Variants in DCPS observed in about 807,000 individuals in gnomAD.
The protein encoded by DCPS is m7GpppX diphosphatase.
Under a neutral mutation model 34.7 loss-of-function variants are expected in DCPS, and 27 were observed. That is an observed-to-expected ratio of 0.78 (90% CI 0.57 to 1.07). The LOEUF is 1.07. Among genes scored for constraint, DCPS ranks in the 50% least tolerant of loss-of-function variants. The pLI, the probability that DCPS is intolerant of heterozygous loss-of-function variation, is 0.00. For synonymous variants in DCPS, 185 were observed against 185.7 expected (o/e 1.00, Z 0.03); for missense variants, 464 against 436.9 (o/e 1.06, Z -0.55).
At position 126,348,491 on chromosome 11, in the gene DCPS, C is replaced by T. The variant is rs1244826442; in HGVS notation, c.*2878C>T. ...TAATCTCCAGGGACCCTGCCGGCCACGGCCCCCATGCAGCTCCCTCCCTCA... is the reference window on the plus strand; with the variant it reads ...TAATCTCCAGGGACCCTGCCGGCCATGGCCCCCATGCAGCTCCCTCCCTCA... On this transcript the variant is annotated 3_prime_UTR_variant, in exon 6 of 6. Coordinates refer to ENST00000263579, the MANE Select transcript of DCPS (RefSeq NM_014026.6). The surrounding 1 kb of genome is among the most constrained non-coding windows in gnomAD (Gnocchi z 5.3). Among the ~76,000 whole-genome samples the T allele has an allele frequency of 6.6e-6, 1 of 152,266 alleles. No homozygotes were observed. Among genetic ancestry groups the T allele is most frequent in the African/African-American group, 2.4e-5 (1 of 41,470 alleles).
intron 2 of DCPS, among the ~76,000 whole-genome samples, chr11:126,326,686 G>A (rs1460368789): frequency 6.6e-6 from 1 of 152,202 alleles, no homozygotes; most frequent in East Asian, 1.9e-4. Flanking sequence ...CACTTTGGGA[G>A]GCCGAGGCAT....
At chr11:126,339,612 C>T (rs1290088199) in intron 4 of DCPS, among the ~76,000 whole-genome samples, 7 of 152,208 alleles carry the variant, frequency 4.6e-5, no homozygotes. Context: ...CGATGATTCC[C>T]TAGAGCCAAG....
At position 126,319,582 on chromosome 11, in the gene DCPS, G is replaced by T. The variant is rs374653983; in HGVS notation, c.377-11823G>T. ...AGCATGAGCAGTGTCATCTCTGCAT[G>T]TCTGACCACACCCCCTGTCTGGACC... On this transcript the variant is annotated intron_variant, in intron 2 of 5. Coordinates refer to ENST00000263579, the MANE Select transcript of DCPS (RefSeq NM_014026.6). This position sits in a 1 kb window ranked among gnomAD's most constrained non-coding sequence, Gnocchi z 4.5. 1.3e-5 allele frequency among the ~76,000 whole-genome samples: 2 copies of T among 152,248 alleles called. No homozygotes were observed. Among genetic ancestry groups the T allele is most frequent in the South Asian group, 4.1e-4 (2 of 4,822 alleles).
rs1374392651 is a variant in DCPS at position 126,333,669 on chromosome 11, C to T, written c.522+2119C>T. On this transcript the variant is annotated intron_variant, in intron 3 of 5. Coordinates refer to ENST00000263579, the MANE Select transcript of DCPS (RefSeq NM_014026.6). This position sits in a 1 kb window ranked among gnomAD's most constrained non-coding sequence, Gnocchi z 5.7. Reference sequence around the variant, plus strand: ...GAGTTTGGTGTGACTGGGGCTTGGGCTGCTGGAGGGTCAGAGGAGACAGCA... The same window carrying T: ...GAGTTTGGTGTGACTGGGGCTTGGGTTGCTGGAGGGTCAGAGGAGACAGCA... Among the ~76,000 whole-genome samples the T allele has an allele frequency of 6.6e-6, 1 of 152,140 alleles. No homozygotes were observed. The highest frequency in any genetic ancestry group is 1.5e-5 in the Non-Finnish European group (1 of 68,032).
chr11:126,311,639 C>T lies in DCPS; in HGVS notation c.376+4895C>T, dbSNP rs144427824. Among the ~76,000 whole-genome samples, 649 of 152,208 alleles carry T rather than the reference C, an allele frequency of 4.3e-3. 4 individuals are homozygous for T. Among genetic ancestry groups the T allele is most frequent in the African/African-American group, 0.015 (622 of 41,520 alleles). On this transcript the variant is annotated intron_variant, in intron 2 of 5. Coordinates refer to ENST00000263579, the MANE Select transcript of DCPS (RefSeq NM_014026.6). ...GAACACTCTGGGCTGAGGAATAGCA[C>T]GTGTTCTGGGGATGGAAAGAAGAAC... is the stretch of plus-strand genomic sequence containing the variant.
In DCPS at chr11:126,343,606, C is replaced by G. The variant is rs190571274; in HGVS notation, c.747+189C>G. On this transcript the variant is annotated intron_variant, in intron 5 of 5. Coordinates refer to ENST00000263579, the MANE Select transcript of DCPS (RefSeq NM_014026.6). Reference sequence around the variant, plus strand: ...GGGCTCTTTGTCCCTGGTCCTGCCACCTTTCCTCACCCTCACACGCCTTCC... The same window carrying G: ...GGGCTCTTTGTCCCTGGTCCTGCCAGCTTTCCTCACCCTCACACGCCTTCC... 3.4e-4 allele frequency among the ~76,000 whole-genome samples: 52 copies of G among 152,284 alleles called. 1 individual carries two copies. The highest frequency in any genetic ancestry group is 1.1e-3 in the African/African-American group (45 of 41,554).
At chr11:126,309,670 A>G (rs1348999793) in intron 2 of DCPS, among the ~76,000 whole-genome samples, 3 of 152,044 alleles carry the variant, frequency 2.0e-5, no homozygotes, top group South Asian at 4.2e-4. Flanking sequence ...TGCTTTTCCT[A>G]CCAAAACTAG....
At chr11:126,330,814 G>GCAACCTCT (rs1262639371) in intron 2 of DCPS, among the ~76,000 whole-genome samples, 8 of 132,972 alleles carry the variant, frequency 6.0e-5, no homozygotes, top group Non-Finnish European at 9.2e-5. Context: ...TGGGCTCACT[G>GCAACCTCT]CAACCTCTGC....
intron 2 of DCPS, among the ~76,000 whole-genome samples, chr11:126,321,899 A>C (rs1951709160): frequency 6.6e-6 from 1 of 152,224 alleles, no homozygotes; most frequent in Non-Finnish European, 1.5e-5. Flanking sequence ...AGTTGTGAAG[A>C]AAACTTCCTT....
At chr11:126,310,971 G>A (rs1393482696) in intron 2 of DCPS, among the ~76,000 whole-genome samples, 1 of 151,986 alleles carries the variant, frequency 6.6e-6, no homozygotes, top group African/African-American at 2.4e-5. Flanking sequence ...TAGAAATCAT[G>A]GGCTCAGCTG....
At chr11:126,308,946 A>G (rs1210242398) in intron 2 of DCPS, among the ~76,000 whole-genome samples, 4 of 151,998 alleles carry the variant, frequency 2.6e-5, no homozygotes, top group African/African-American at 7.2e-5. Context: ...GTTCCCACTC[A>G]GAACCCCAGG....
At position 126,325,894 on chromosome 11, in the gene DCPS, C is replaced by T. The variant is rs141187843; in HGVS notation, c.377-5511C>T. ...CAGCACTTTGGGAGGCTGAGGTGGG[C>T]GGATTACGAGATCAGGAAATCGAGG... On this transcript the variant is annotated intron_variant, in intron 2 of 5. Coordinates refer to ENST00000263579, the MANE Select transcript of DCPS (RefSeq NM_014026.6). This position sits in a 1 kb window ranked among gnomAD's most constrained non-coding sequence, Gnocchi z 4.3. Among the ~76,000 whole-genome samples the T allele has an allele frequency of 0.012, 1,870 of 151,934 alleles. 38 individuals are homozygous for T. The highest frequency in any genetic ancestry group is 0.043 in the African/African-American group (1,767 of 41,404).
chr11:126,306,887 A>G, intron 2 of DCPS, 143 bp downstream of exon 2: 3 of 1,024,162 alleles, frequency 2.9e-6, no homozygotes, highest in Non-Finnish European at 4.0e-6. Flanking sequence ...ACATTTGGCC[A>G]TCGGTGAAGA....
rs551460909 is a variant in DCPS, at chr11:126,346,546, G to T, written c.*933G>T. ...CGCAGGGACATGGCTTGTATGGGCG[G>T]GCACACAAGTAAACACACAGGCTCT... On this transcript the variant is annotated 3_prime_UTR_variant, in exon 6 of 6. Coordinates refer to ENST00000263579, the MANE Select transcript of DCPS (RefSeq NM_014026.6). This position sits in a 1 kb window ranked among gnomAD's most constrained non-coding sequence, Gnocchi z 4.1. Among the ~76,000 whole-genome samples, 21 of 152,330 alleles carry T rather than the reference G, an allele frequency of 1.4e-4. No homozygotes were observed. The South Asian group carries it at 4.1e-3, about 30-fold the overall frequency.
Position 126,323,094 on chromosome 11 carries a change from T to G in DCPS, c.377-8311T>G, listed in dbSNP as rs1404860138. 6.6e-6 allele frequency among the ~76,000 whole-genome samples: 1 copy of G among 152,078 alleles called. No homozygotes were observed. Among genetic ancestry groups the G allele is most frequent in the Non-Finnish European group, 1.5e-5 (1 of 68,006 alleles). On this transcript the variant is annotated intron_variant, in intron 2 of 5. Transcript: ENST00000263579. This position sits in a 1 kb window ranked among gnomAD's most constrained non-coding sequence, Gnocchi z 4.4. ...TCCCCCCTGTTTCAGCCTCCCAAAG[T>G]GTTGGGATTACAGGCATGAGCCACC...
intron 2 of DCPS, among the ~76,000 whole-genome samples, chr11:126,316,274 C>T (rs151309740): frequency 1.1e-3 from 172 of 151,894 alleles, no homozygotes; most frequent in Non-Finnish European, 1.9e-3. Flanking sequence ...GCTTTGAATG[C>T]GGCCCGACAC....
In DCPS at chr11:126,347,276, T is replaced by C. The variant is rs750708780; in HGVS notation, c.*1663T>C. Among the ~76,000 whole-genome samples, 4 of 146,088 alleles carry C rather than the reference T, an allele frequency of 2.7e-5. No individual in the cohort carries two copies. The highest frequency in any genetic ancestry group is 2.1e-4 in the South Asian group (1 of 4,658). Reference sequence around the variant, plus strand: ...TCTCGCTCCATCACCCAGGCTGGAGTGCAGTGGCACAATCTCGACTCACTG... The same window carrying C: ...TCTCGCTCCATCACCCAGGCTGGAGCGCAGTGGCACAATCTCGACTCACTG... On this transcript the variant is annotated 3_prime_UTR_variant, in exon 6 of 6. Transcript: ENST00000263579. This position sits in a 1 kb window ranked among gnomAD's most constrained non-coding sequence, Gnocchi z 4.2.
At position 126,333,006 on chromosome 11, in the gene DCPS, T is replaced by A. The variant is rs1045326201; in HGVS notation, c.522+1456T>A. On this transcript the variant is annotated intron_variant, in intron 3 of 5. Transcript: ENST00000263579. The surrounding 1 kb of genome is among the most constrained non-coding windows in gnomAD (Gnocchi z 5.7). Reference sequence around the variant, plus strand: ...ACAGGTGCTTGCCACCATGCCTGGCTACTTTTTTGTATTTTTAGTAGAGAT... The same window carrying A: ...ACAGGTGCTTGCCACCATGCCTGGCAACTTTTTTGTATTTTTAGTAGAGAT... Among the ~76,000 whole-genome samples the A allele has an allele frequency of 1.3e-5, 2 of 152,150 alleles. No individual in the cohort carries two copies. Among genetic ancestry groups the A allele is most frequent in the African/African-American group, 4.8e-5 (2 of 41,432 alleles).
chr11:126,316,717 G>A (rs1396042273), intron 2 of DCPS, among the ~76,000 whole-genome samples: 3 of 149,832 alleles, frequency 2.0e-5, no homozygotes, highest in African/African-American at 4.9e-5. Context: ...CGGTGGCGTC[G>A]TGATCTCAGC....
Sources: gnomAD v4.1 joint callset for allele counts (sites outside exome capture counted in the v4.1 genomes callset) on GRCh38, gnomAD v4.1.1 for gene constraint, Gnocchi (gnomAD v3.1) non-coding constraint, MANE v1.5 for transcripts, NCBI Gene and HGNC (gene_info 2026-07-23, HGNC 2026-07-21) for gene names.